The following SUGCT variants were observed in gnomAD, a reference collection of about 807,000 sequenced individuals.
SUGCT encodes succinyl-CoA:glutarate-CoA transferase, also known as succinyl-CoA:glutarate CoA-transferase.
A neutral mutation model predicts 55.0 loss-of-function variants in SUGCT; 41 were observed. The ratio of observed to expected loss-of-function variants is 0.74; its 90% CI spans 0.58 to 0.97. SUGCT has a LOEUF of 0.97. SUGCT is among the 50% of genes least tolerant of loss of function. SUGCT has a pLI of 0.00. For synonymous variants in SUGCT, 187 were observed against 200.4 expected, an observed-to-expected ratio of 0.93 and a Z score of 0.56; for missense variants, 568 against 547.8, an observed-to-expected ratio of 1.04 and a Z score of -0.37.
At chr7:40,930,461 G>A in the SUGCT span, among the ~76,000 whole-genome samples, 1 of 152,280 alleles carries the variant, frequency 6.6e-6, no homozygotes, top group African/African-American at 2.4e-5. Flanking sequence ...TGTGAAGAAA[G>A]TCATTGGTAG....
the SUGCT span, among the ~76,000 whole-genome samples, chr7:40,871,844 G>A: frequency 6.6e-6 from 1 of 152,152 alleles, no homozygotes; most frequent in Non-Finnish European, 1.5e-5. Flanking sequence ...GGTAGAGTAG[G>A]CGGTAAAGGA....
intron 12 of SUGCT, among the ~76,000 whole-genome samples, chr7:40,526,382 C>CTGTGAACATATTTGT (rs1269634586): frequency 6.6e-6 from 1 of 152,164 alleles, no homozygotes; most frequent in Non-Finnish European, 1.5e-5. Flanking sequence ...TTCACAGTTT[C>CTGTGAACATATTTGT]AAGGACTTCT....
intron 9 of SUGCT, among the ~76,000 whole-genome samples, chr7:40,350,439 A>G (rs2151197149): frequency 6.6e-6 from 1 of 150,962 alleles, no homozygotes; most frequent in African/African-American, 2.4e-5. Flanking sequence ...TCAGCCTCCC[A>G]AGTAGCTGGA....
intron 6 of SUGCT, among the ~76,000 whole-genome samples, chr7:40,231,529 A>T (rs1788725759): frequency 6.6e-6 from 1 of 152,138 alleles, no homozygotes; most frequent in Non-Finnish European, 1.5e-5. Flanking sequence ...TCTGAGGAGG[A>T]TGTAGTAGCA....
intron 9 of SUGCT, among the ~76,000 whole-genome samples, chr7:40,391,469 C>T (rs1384736732): frequency 5.3e-5 from 8 of 152,082 alleles, no homozygotes; most frequent in Non-Finnish European, 1.0e-4. Context: ...AAAAAGTGGG[C>T]AAAGGATATG....
intron 12 of SUGCT, among the ~76,000 whole-genome samples, chr7:40,593,731 T>C (rs933690007): frequency 1.3e-5 from 2 of 151,948 alleles, no homozygotes; most frequent in Non-Finnish European, 2.9e-5. Flanking sequence ...CCCAGCTACT[T>C]GGGAGGCTGA....
intron 9 of SUGCT, among the ~76,000 whole-genome samples, chr7:40,347,278 A>G (rs1797367605): frequency 6.6e-6 from 1 of 152,204 alleles, no homozygotes; most frequent in Non-Finnish European, 1.5e-5. Flanking sequence ...GTGGAATGTA[A>G]AATCCATTGT....
At chr7:40,780,675 C>T (rs1158593384) in intron 13 of SUGCT, among the ~76,000 whole-genome samples, 2 of 151,326 alleles carry the variant, frequency 1.3e-5, no homozygotes, top group Non-Finnish European at 2.9e-5. Context: ...TAAAATAAAC[C>T]GTTCATTTAT....
chr7:40,433,337 C>CTTT (rs200117722), intron 9 of SUGCT, among the ~76,000 whole-genome samples: 1 of 141,656 alleles, frequency 7.1e-6, no homozygotes, highest in Non-Finnish European at 1.5e-5. Context: ...TTCTTTTTTT[C>CTTT]TTTTTTTTTT....
At chr7:40,789,337 C>A (rs547022304) in intron 13 of SUGCT, among the ~76,000 whole-genome samples, 1 of 152,080 alleles carries the variant, frequency 6.6e-6, no homozygotes, top group African/African-American at 2.4e-5. Flanking sequence ...ATTTTAGATA[C>A]CTCAAGTAAG....
At chr7:40,639,731 T>C (rs1227527693) in intron 12 of SUGCT, among the ~76,000 whole-genome samples, 1 of 151,716 alleles carries the variant, frequency 6.6e-6, no homozygotes, top group Non-Finnish European at 1.5e-5. Flanking sequence ...CAGTCTGTTC[T>C]CGAACTCCTG....
chr7:40,385,163 A>G (rs1393606295), intron 9 of SUGCT, among the ~76,000 whole-genome samples: 1 of 152,196 alleles, frequency 6.6e-6, no homozygotes, highest in Admixed American at 6.6e-5. Context: ...GCCACTGGGA[A>G]AGATTCATAT....
At chr7:40,898,355 C>T in the SUGCT span, among the ~76,000 whole-genome samples, 2 of 152,076 alleles carry the variant, frequency 1.3e-5, no homozygotes, top group African/African-American at 2.4e-5. Context: ...TGCGGCTTCG[C>T]TCCTGAAGTC....
At chr7:40,513,442 C>T (rs576027739) in intron 12 of SUGCT, among the ~76,000 whole-genome samples, 8 of 152,174 alleles carry the variant, frequency 5.3e-5, no homozygotes, top group Admixed American at 3.9e-4. Flanking sequence ...TGTTTTTGGC[C>T]ATTTAGGATC....
the SUGCT span, among the ~76,000 whole-genome samples, chr7:40,985,608 G>A: frequency 1.6e-4 from 24 of 152,194 alleles, no homozygotes; most frequent in South Asian, 2.1e-3. Flanking sequence ...GCAAGTTTTG[G>A]GACATATGAA....
At chr7:40,525,843 T>C (rs188192232) in intron 12 of SUGCT, among the ~76,000 whole-genome samples, 187 of 152,328 alleles carry the variant, frequency 1.2e-3, no homozygotes, top group African/African-American at 4.1e-3. Context: ...ACATCAAGGA[T>C]ATCCATTAAT....
chr7:40,684,253 T>C, intron 12 of SUGCT: 1 of 1,365,884 alleles, frequency 7.3e-7, no homozygotes, highest in Non-Finnish European at 9.6e-7. Context: ...TTCATTTACA[T>C]CACAGGTTTC....
intron 8 of SUGCT, among the ~76,000 whole-genome samples, chr7:40,310,255 T>G (rs546723635): frequency 6.6e-6 from 1 of 152,322 alleles, no homozygotes; most frequent in East Asian, 1.9e-4. Flanking sequence ...CCAGTCTAAT[T>G]ATGAGTAAAA....
At chr7:40,317,834 T>G (rs1408497286) in intron 9 of SUGCT, among the ~76,000 whole-genome samples, 2 of 152,194 alleles carry the variant, frequency 1.3e-5, no homozygotes. Flanking sequence ...AACCTGGGAT[T>G]CTTCCCTCTC....
Sources: gnomAD v4.1 joint callset for allele counts (sites outside exome capture counted in the v4.1 genomes callset) on GRCh38, gnomAD v4.1.1 for gene constraint, MANE v1.5 for transcripts, NCBI Gene and HGNC (gene_info 2026-07-23, HGNC 2026-07-21) for gene names.